Variants in TENM2 observed in about 807,000 individuals in gnomAD.
The protein encoded by TENM2 is teneurin-2.
TENM2 carries 52 observed loss-of-function variants against 245.2 expected under a neutral mutation model. That is an observed-to-expected ratio of 0.21 (90% confidence interval 0.17 to 0.27). The LOEUF is 0.27. Among genes scored for constraint, TENM2 ranks in the 10% least tolerant of loss-of-function variants. The probability of loss-of-function intolerance (pLI) is 1.00; values close to 1 mark genes in which losing one functional copy is unlikely to be tolerated. For missense variants in TENM2, 3,046 were observed against 3,666.8 expected (o/e 0.83, Z 4.37); for synonymous variants, 1,363 against 1,438.9 (o/e 0.95, Z 1.19).
intron 2 of TENM2, among the ~76,000 whole-genome samples, chr5:167,874,068 C>T (rs542447657): frequency 6.6e-5 from 10 of 152,270 alleles, no homozygotes; most frequent in East Asian, 5.8e-4. Flanking sequence ...CCTCTTTGGA[C>T]GTTTGCTCAG....
intron 2 of TENM2, among the ~76,000 whole-genome samples, chr5:167,650,446 G>A (rs932352226): frequency 4.6e-5 from 7 of 152,128 alleles, no homozygotes; most frequent in Admixed American, 6.5e-5. Context: ...TGAGATCCCC[G>A]TAATACATCT....
At chr5:167,995,030 T>G (rs551238130) in intron 5 of TENM2, among the ~76,000 whole-genome samples, 5 of 152,190 alleles carry the variant, frequency 3.3e-5, no homozygotes, top group Admixed American at 2.0e-4. Context: ...GTTCCTGTGC[T>G]CACTTCTCAG....
intron 2 of TENM2, among the ~76,000 whole-genome samples, chr5:167,764,107 CAACTT>C (rs749706155): frequency 1.1e-4 from 16 of 151,990 alleles, no homozygotes; most frequent in Admixed American, 3.9e-4. Flanking sequence ...GAAAAATTCT[CAACTT>C]AACATTCCAG....
At chr5:167,996,986 A>T (rs1581005875) in intron 5 of TENM2, among the ~76,000 whole-genome samples, 2 of 151,934 alleles carry the variant, frequency 1.3e-5, no homozygotes, top group African/African-American at 4.8e-5. Flanking sequence ...TCATCTACCC[A>T]CCTCAGCCTC....
the TENM2 span, among the ~76,000 whole-genome samples, chr5:167,171,690 C>A: frequency 6.6e-6 from 1 of 152,140 alleles, no homozygotes; most frequent in Non-Finnish European, 1.5e-5. Context: ...CAGCCACTTC[C>A]AAGAAGGACC....
intron 4 of TENM2, among the ~76,000 whole-genome samples, chr5:167,968,825 C>G (rs969118687): frequency 1.3e-5 from 2 of 152,136 alleles, no homozygotes; most frequent in Admixed American, 6.5e-5. Context: ...GCTCTACTCT[C>G]CCCCATCCCC....
At chr5:167,003,630 G>C in the TENM2 span, among the ~76,000 whole-genome samples, 1 of 152,086 alleles carries the variant, frequency 6.6e-6, no homozygotes, top group Non-Finnish European at 1.5e-5. Flanking sequence ...GTTGCTTGTT[G>C]GTAAAGTCGA....
chr5:167,050,499 A>G, the TENM2 span, among the ~76,000 whole-genome samples: 5 of 152,172 alleles, frequency 3.3e-5, no homozygotes, highest in East Asian at 9.6e-4. Flanking sequence ...TATGCCTTGA[A>G]CAACCTCATG....
At chr5:167,897,496 A>G (rs1041994830) in intron 3 of TENM2, among the ~76,000 whole-genome samples, 1 of 152,250 alleles carries the variant, frequency 6.6e-6, no homozygotes, top group Non-Finnish European at 1.5e-5. Context: ...TCCAGCTTGT[A>G]TTCATCATCT....
chr5:167,802,006 G>A (rs1031943316), intron 2 of TENM2, among the ~76,000 whole-genome samples: 1 of 152,140 alleles, frequency 6.6e-6, no homozygotes, highest in Admixed American at 6.6e-5. Flanking sequence ...GTGCTGGCAG[G>A]TTTAGTATCT....
intron 2 of TENM2, among the ~76,000 whole-genome samples, chr5:167,487,961 A>G (rs1276342653): frequency 6.6e-6 from 1 of 152,226 alleles, no homozygotes; most frequent in African/African-American, 2.4e-5. Flanking sequence ...ATTGTAAAAA[A>G]TGTTTTGAAA....
chr5:167,942,674 G>T (rs1296056911), intron 3 of TENM2, among the ~76,000 whole-genome samples: 2 of 152,070 alleles, frequency 1.3e-5, no homozygotes, highest in Non-Finnish European at 2.9e-5. Context: ...AGGGTGAGAG[G>T]TTTCTCCTCT....
chr5:167,727,104 CTTTT>C lies in TENM2; in HGVS notation c.503-148862_503-148859del, dbSNP rs1227700479. ...AAATCAGTAATGAATCCATTAATTT[CTTTT>C]TTTTTTTTTTTTTTTTTTTGAGATG... On this transcript the variant is annotated intron_variant, in intron 2 of 28. Coordinates refer to ENST00000518659, the Ensembl canonical transcript of TENM2. 1.1e-4 allele frequency among the ~76,000 whole-genome samples: 11 copies of C among 96,120 alleles called. No individual in the cohort carries two copies. The East Asian group carries it at 1.9e-3, about 17-fold the overall frequency. The allele number at this position is 96,120 out of a possible 152,430, so 63.1% of individuals were successfully genotyped here.
chr5:167,552,594 G>A (rs759704737), intron 2 of TENM2, among the ~76,000 whole-genome samples: 1 of 152,152 alleles, frequency 6.6e-6, no homozygotes, highest in South Asian at 2.1e-4. Context: ...TTGTAGCCTG[G>A]TAATGCTAAT....
intron 13 of TENM2, among the ~76,000 whole-genome samples, chr5:168,166,647 G>A (rs1409048414): frequency 6.6e-6 from 1 of 152,218 alleles, no homozygotes; most frequent in Admixed American, 6.5e-5. Flanking sequence ...TCCCAGCAGT[G>A]CTGACGCAGG....
Position 167,875,861 on chromosome 5 carries a change from G to A in TENM2, c.503-125G>A, listed in dbSNP as rs1773374520. The stretch of plus-strand genomic sequence containing the variant: ...ACCACTCTTTTAAAAAAGCACATCT[G>A]GAGCAGTTCATTTCTTTTTTTTTTT... On this transcript the variant is annotated intron_variant, in intron 2 of 28. Coordinates refer to ENST00000518659, the Ensembl canonical transcript of TENM2. The A allele has an allele frequency of 6.1e-6, 4 of 659,540 alleles. No individual in the cohort carries two copies. The Admixed American group carries it at 8.9e-5, about 15-fold the overall frequency. The allele number at this position is 659,540 out of a possible 1,614,324, so 40.9% of individuals were successfully genotyped here.
chr5:167,783,193 T>C (rs1166578023), intron 2 of TENM2, among the ~76,000 whole-genome samples: 2 of 149,812 alleles, frequency 1.3e-5, no homozygotes, highest in African/African-American at 2.5e-5. Context: ...TTTTTCTGTC[T>C]TTTGTTTTTG....
At chr5:167,668,325 A>T (rs1291201456) in intron 2 of TENM2, among the ~76,000 whole-genome samples, 1 of 152,180 alleles carries the variant, frequency 6.6e-6, no homozygotes, top group African/African-American at 2.4e-5. Flanking sequence ...ACCTTGTGAT[A>T]TCAAGGTTTG....
exon 15 of TENM2, chr5:168,195,184 C>G: frequency 1.3e-6 from 2 of 1,599,754 alleles, no homozygotes; most frequent in Non-Finnish European, 1.7e-6. Context: ...AGCTTGGTTT[C>G]TCTCATCCGA....
Sources: allele counts gnomAD v4.1 joint callset (sites outside exome capture counted in the v4.1 genomes callset), GRCh38; gene constraint gnomAD v4.1.1; transcripts MANE v1.5; gene names NCBI Gene and HGNC (gene_info 2026-07-23, HGNC 2026-07-21).